Variants in RTP1 observed in about 807,000 individuals in gnomAD.
RTP1 encodes receptor transporter protein 1.
RTP1 carries 24 observed loss-of-function variants against 27.1 expected under a neutral mutation model. The ratio of observed to expected loss-of-function variants is 0.89; its 90% confidence interval spans 0.64 to 1.25. The LOEUF (loss-of-function observed/expected upper bound fraction) is 1.25. Ranked by LOEUF, RTP1 falls within the 50% of genes most tolerant of loss-of-function variation. The probability of loss-of-function intolerance (pLI) is 0.00; values close to 1 mark genes in which losing one functional copy is unlikely to be tolerated. For synonymous variants in RTP1, 148 were observed against 148.1 expected (o/e 1.00, Z 0.00); for missense variants, 338 against 351.6 (o/e 0.96, Z 0.31).
rs753579148 is a variant in RTP1, at chr3:187,199,604, T to C, written c.326T>C (p.Leu109Pro). ...TGGCAGTCGCCCTACGTGGTCATCCTCTTCCACATGTTCCTGGACCGCGCC... is the reference window on the plus strand; with the variant it reads ...TGGCAGTCGCCCTACGTGGTCATCCCCTTCCACATGTTCCTGGACCGCGCC... The part of the protein sequence containing the change: ...HTWQSPYVVI[L>P]FHMFLDRAQR... Residue 109 changes from leucine to proline, a missense_variant, in exon 2 of 2, where the codon CTC becomes CCC. Coordinates refer to ENST00000312295, the MANE Select transcript of RTP1 (RefSeq NM_153708.3). The C allele has an allele frequency of 6.2e-7, 1 of 1,606,448 alleles. No individual in the cohort carries two copies. Among genetic ancestry groups the C allele is most frequent in the African/African-American group, 1.3e-5 (1 of 74,786 alleles).
chr3:187,199,956 G>T lies in RTP1; in HGVS notation c.678G>T (p.Ser226=), dbSNP rs1721686111. 8 of 1,596,074 alleles carry T rather than the reference G, an allele frequency of 5.0e-6. No homozygotes were observed. Among genetic ancestry groups the T allele is most frequent in the Non-Finnish European group, 6.8e-6 (8 of 1,169,878 alleles). The change falls in exon 2 of 2, where the codon TCG becomes TCT. Residue 226 remains serine, a synonymous_variant. Transcript: ENST00000312295. ...CCCGGGCGCCCAGCCCCACCAAGTC[G>T]CAGGACCAGACGGGCTCAGGCTGGA... is the stretch of plus-strand genomic sequence containing the variant. ...TFSRAPSPTK[S]QDQTGSGWNF... is the part of the protein sequence containing the mutation.
In RTP1 at chr3:187,200,197, T is replaced by C. The variant is rs1419940763; in HGVS notation, c.*127T>C. On this transcript the variant is annotated 3_prime_UTR_variant, in exon 2 of 2. Coordinates refer to ENST00000312295, the MANE Select transcript of RTP1 (RefSeq NM_153708.3). The stretch of plus-strand genomic sequence containing the variant: ...TGATGTCACTGACTCAGTGGGGATC[T>C]TGGACAAATTATACAGTTTTTCCAT... 6.6e-6 allele frequency: 5 copies of C among 762,888 alleles called. No homozygotes were observed. The highest frequency in any genetic ancestry group is 7.6e-6 in the Non-Finnish European group (4 of 524,140). The allele number at this position is 762,888 out of a possible 1,614,324, so 47.3% of individuals were successfully genotyped here.
Position 187,199,783 on chromosome 3 carries a change from C to G in RTP1, c.505C>G (p.Arg169Gly), listed in dbSNP as rs370237858. The part of the protein sequence containing the change: ...TSLREQCYGE[R>G]GGQYRIHVAS... ...CCTGCGCGAGCAGTGCTACGGCGAG[C>G]GTGGCGGCCAGTACCGCATCCACGT... The change falls in exon 2 of 2, where the codon CGT (arginine) becomes GGT (glycine). Residue 169 changes from arginine to glycine, a missense_variant. Coordinates refer to ENST00000312295, the MANE Select transcript of RTP1 (RefSeq NM_153708.3). The G allele has an allele frequency of 5.8e-5, 94 of 1,612,956 alleles. No individual in the cohort carries two copies. Among genetic ancestry groups the G allele is most frequent in the Middle Eastern group, 1.6e-4 (1 of 6,082 alleles).
rs781060697 is a variant in RTP1, at chr3:187,197,676, T to A, written c.161T>A (p.Met54Lys). 1.2e-6 allele frequency: 2 copies of A among 1,614,084 alleles called. No individual in the cohort carries two copies. The highest frequency in any genetic ancestry group is 1.7e-6 in the Non-Finnish European group (2 of 1,180,004). ...DEWKKVFYEK[M>K]EEAKPADSWD... ...TGGAAGAAAGTCTTCTATGAGAAGA[T>A]GGAGGAGGCAAAGCCGGCTGACAGC... The change falls in exon 1 of 2, where the codon ATG (methionine) becomes AAG (lysine). Residue 54 changes from methionine (M) to lysine (K), a missense_variant. Physicochemically the swap from Met to Lys is moderately conservative, Grantham distance 95. Around this residue, in one of 3 missense-constraint regions of RTP1, gnomAD observed 64 missense variants for 74.5 expected, o/e 0.86. Transcript: ENST00000312295.
In RTP1 at chr3:187,199,763, G is replaced by A. The variant is rs1209861869; in HGVS notation, c.485G>A (p.Arg162His). Residue 162 changes from arginine (R) to histidine (H), a missense_variant, in exon 2 of 2, where the codon CGC becomes CAC. Coordinates refer to ENST00000312295, the MANE Select transcript of RTP1 (RefSeq NM_153708.3). Reference sequence around the variant, plus strand: ...GTGGACAACCTCATCACCAGCCTGCGCGAGCAGTGCTACGGCGAGCGTGGC... The same window carrying A: ...GTGGACAACCTCATCACCAGCCTGCACGAGCAGTGCTACGGCGAGCGTGGC... The part of the protein sequence containing the change: ...GLVDNLITSL[R>H]EQCYGERGGQ... 4.3e-6 allele frequency: 7 copies of A among 1,613,664 alleles called. No homozygotes were observed. The Admixed American group carries it at 5.0e-5, about 12-fold the overall frequency.
rs776800998 is a variant in RTP1, at chr3:187,199,745, A to G, written c.467A>G (p.Asn156Ser). 4.3e-6 allele frequency: 7 copies of G among 1,613,494 alleles called. No individual in the cohort carries two copies. The highest frequency in any genetic ancestry group is 5.9e-6 in the Non-Finnish European group (7 of 1,179,654). The change falls in exon 2 of 2, where the codon AAC (asparagine) becomes AGC (serine). Residue 156 changes from asparagine (N) to serine (S), a missense_variant. Physicochemically the swap from Asn to Ser is conservative, Grantham distance 46. Around this residue, in one of 3 missense-constraint regions of RTP1, gnomAD observed 252 missense variants for 231.5 expected, o/e 1.09. Transcript: ENST00000312295. ...LEENIEGLVD[N>S]LITSLREQCY... is the part of the protein sequence containing the mutation. ...GAGAACATCGAGGGCCTGGTGGACA[A>G]CCTCATCACCAGCCTGCGCGAGCAG... is the stretch of plus-strand genomic sequence containing the variant.
In RTP1 at chr3:187,199,684, G is replaced by T. The variant is rs201233932; in HGVS notation, c.406G>T (p.Gly136Cys). The T allele has an allele frequency of 2.0e-5, 32 of 1,612,230 alleles. No homozygotes were observed. Among genetic ancestry groups the T allele is most frequent in the African/African-American group, 5.3e-5 (4 of 74,906 alleles). ...CTTCAAGCAGCTGTGCTATGAGTGC[G>T]GCACGGCGCGGCTGGACGAGTCCAG... ...RVFKQLCYEC[G>C]TARLDESSML... The change falls in exon 2 of 2, where the codon GGC becomes TGC. Residue 136 changes from glycine to cysteine, a missense_variant. Physicochemically the swap from Gly to Cys is radical, Grantham distance 159 (BLOSUM62 -3). Coordinates refer to ENST00000312295, the MANE Select transcript of RTP1 (RefSeq NM_153708.3).
rs1187862565 is a variant in RTP1 at position 187,199,998 on chromosome 3, C to T, written c.720C>T (p.Pro240=). Reference sequence around the variant, plus strand: ...CAGGCTGGAACTTCTGCTCTATCCCCTGGTGCTTGTTTTGGGCCACGGTCC... The same window carrying T: ...CAGGCTGGAACTTCTGCTCTATCCCTTGGTGCTTGTTTTGGGCCACGGTCC... ...TGSGWNFCSI[P]WCLFWATVLL... is the part of the protein sequence containing the mutation. The change falls in exon 2 of 2, where the codon CCC becomes CCT. Residue 240 remains proline, a synonymous_variant. Coordinates refer to ENST00000312295, the MANE Select transcript of RTP1 (RefSeq NM_153708.3). The T allele has an allele frequency of 5.2e-6, 8 of 1,552,474 alleles. No homozygotes were observed. The East Asian group carries it at 1.6e-4, about 31-fold the overall frequency.
At position 187,200,223 on chromosome 3, in the gene RTP1, C is replaced by A; in HGVS notation, c.*153C>A. 1 of 640,754 alleles carries A rather than the reference C, an allele frequency of 1.6e-6. No individual in the cohort carries two copies. Among genetic ancestry groups the A allele is most frequent in the Non-Finnish European group, 2.3e-6 (1 of 430,902 alleles). 39.7% of individuals were successfully genotyped at this position (640,754 alleles called of 1,614,324 possible). On this transcript the variant is annotated 3_prime_UTR_variant, in exon 2 of 2. Coordinates refer to ENST00000312295, the MANE Select transcript of RTP1 (RefSeq NM_153708.3). Reference sequence around the variant, plus strand: ...TGGACAAATTATACAGTTTTTCCATCTATAAAACTCAGGGTTTGGGCAAGA... The same window carrying A: ...TGGACAAATTATACAGTTTTTCCATATATAAAACTCAGGGTTTGGGCAAGA...
Position 187,197,557 on chromosome 3 carries a change from G to T in RTP1, c.42G>T (p.Leu14=). 3.7e-6 allele frequency: 6 copies of T among 1,614,160 alleles called. No homozygotes were observed. Among genetic ancestry groups the T allele is most frequent in the Non-Finnish European group, 5.1e-6 (6 of 1,180,010 alleles). The change falls in exon 1 of 2, where the codon CTG becomes CTT. Residue 14 remains leucine (L), a synonymous_variant. Coordinates refer to ENST00000312295, the MANE Select transcript of RTP1 (RefSeq NM_153708.3). ...FRPWRLRCPA[L]HLPSLSVFSL... ...CGTGGAGACTGCGCTGCCCTGCCCT[G>T]CACCTACCCTCACTCTCCGTGTTCT...
intron 1 of RTP1, chr3:187,198,409 C>T (rs561788352): frequency 7.9e-5 from 12 of 152,456 alleles, no homozygotes; most frequent in Admixed American, 3.3e-4. Flanking sequence ...TCTTGGGCCC[C>T]TTTTAGATCT....
chr3:187,199,474 C>T (rs927858502), intron 1 of RTP1, 77 bp from the exon 2 acceptor site: 3 of 1,467,104 alleles, frequency 2.0e-6, no homozygotes, highest in Admixed American at 2.1e-5. Flanking sequence ...GCCTCCACGT[C>T]CCCTCACGCC....
chr3:187,197,544 G>GCTGCC lies in RTP1; in HGVS notation c.39_43dup (p.His15ProfsTer12), dbSNP rs1560216603. On this transcript the variant is annotated frameshift_variant, in exon 1 of 2. Coordinates refer to ENST00000312295, the MANE Select transcript of RTP1 (RefSeq NM_153708.3). LOFTEE classifies it high-confidence loss of function. Reference sequence around the variant, plus strand: ...AGGATTTTTAGACCGTGGAGACTGCGCTGCCCTGCCCTGCACCTACCCTCA... The same window carrying GCTGCC: ...AGGATTTTTAGACCGTGGAGACTGCGCTGCCCTGCCCTGCCCTGCACCTACCCTCA... 2.5e-6 allele frequency: 4 copies of GCTGCC among 1,614,106 alleles called. No homozygotes were observed. Among genetic ancestry groups the GCTGCC allele is most frequent in the South Asian group, 1.1e-5 (1 of 91,080 alleles).
intron 1 of RTP1, chr3:187,199,319 G>A: frequency 1.9e-6 from 1 of 518,642 alleles, no homozygotes; most frequent in Non-Finnish European, 3.4e-6. Context: ...GCACTGAGGA[G>A]GTAGAGCACT....
Position 187,200,194 on chromosome 3 carries a change from A to G in RTP1, c.*124A>G, listed in dbSNP as rs1721693893. The G allele has an allele frequency of 2.5e-6, 2 of 790,146 alleles. No homozygotes were observed. The highest frequency in any genetic ancestry group is 3.4e-5 in the African/African-American group (2 of 58,236). 48.9% of individuals were successfully genotyped at this position (790,146 alleles called of 1,614,324 possible). A position where few individuals can be genotyped will look rare whatever the true frequency, so the allele number is the denominator to read the frequency against. On this transcript the variant is annotated 3_prime_UTR_variant, in exon 2 of 2. Transcript: ENST00000312295. ...TGGTGATGTCACTGACTCAGTGGGG[A>G]TCTTGGACAAATTATACAGTTTTTC... is the stretch of plus-strand genomic sequence containing the variant.
At position 187,200,145 on chromosome 3, in the gene RTP1, G is replaced by A. The variant is rs1310091048; in HGVS notation, c.*75G>A. Reference sequence around the variant, plus strand: ...CGAGGGTAGAGGAGAGACGTGGGTTGAGAATAGTGTAAACTTCTAGCGCTG... The same window carrying A: ...CGAGGGTAGAGGAGAGACGTGGGTTAAGAATAGTGTAAACTTCTAGCGCTG... On this transcript the variant is annotated 3_prime_UTR_variant, in exon 2 of 2. Coordinates refer to ENST00000312295, the MANE Select transcript of RTP1 (RefSeq NM_153708.3). The A allele has an allele frequency of 7.4e-7, 1 of 1,353,200 alleles. No homozygotes were observed. Among genetic ancestry groups the A allele is most frequent in the Non-Finnish European group, 9.9e-7 (1 of 1,008,146 alleles). 83.8% of individuals were successfully genotyped at this position (1,353,200 alleles called of 1,614,324 possible).
chr3:187,198,514 T>G (rs1721642750), intron 1 of RTP1: 1 of 152,134 alleles, frequency 6.6e-6, no homozygotes, highest in South Asian at 2.1e-4. Flanking sequence ...GGGTCCAGAG[T>G]GTAGGGGCTT....
At position 187,199,569 on chromosome 3, in the gene RTP1, C is replaced by T. The variant is rs954558581; in HGVS notation, c.291C>T (p.Cys97=). 1 of 1,593,192 alleles carries T rather than the reference C, an allele frequency of 6.3e-7. No homozygotes were observed. The highest frequency in any genetic ancestry group is 8.6e-7 in the Non-Finnish European group (1 of 1,164,336). Residue 97 remains cysteine (C), a synonymous_variant, in exon 2 of 2, where the codon TGC becomes TGT. Transcript: ENST00000312295. The part of the protein sequence containing the change: ...HASGRFHCSW[C]WHTWQSPYVV... ...TCCGCAGGTTCCACTGCTCCTGGTGCTGGCACACCTGGCAGTCGCCCTACG... is the reference window on the plus strand; with the variant it reads ...TCCGCAGGTTCCACTGCTCCTGGTGTTGGCACACCTGGCAGTCGCCCTACG...
In RTP1 at chr3:187,199,944, C is replaced by A. The variant is rs1368973290; in HGVS notation, c.666C>A (p.Ser222Arg). Reference sequence around the variant, plus strand: ...CCTACACCTTCTCCCGGGCGCCCAGCCCCACCAAGTCGCAGGACCAGACGG... The same window carrying A: ...CCTACACCTTCTCCCGGGCGCCCAGACCCACCAAGTCGCAGGACCAGACGG... ...ATTYTFSRAP[S>R]PTKSQDQTGS... The change falls in exon 2 of 2, where the codon AGC becomes AGA. Residue 222 changes from serine (S) to arginine (R), a missense_variant. Physicochemically the swap from Ser to Arg is moderately radical, Grantham distance 110. Around this residue, in one of 3 missense-constraint regions of RTP1, gnomAD observed 252 missense variants for 231.5 expected, o/e 1.09. Transcript: ENST00000312295. 5 of 1,596,260 alleles carry A rather than the reference C, an allele frequency of 3.1e-6. No homozygotes were observed. The highest frequency in any genetic ancestry group is 4.3e-6 in the Non-Finnish European group (5 of 1,170,020).
Sources: gnomAD v4.1 joint callset for allele counts on GRCh38, gnomAD v4.1.1 for gene constraint, gnomAD v4.1.1 regional missense constraint, MANE v1.5 for transcripts, NCBI Gene and HGNC (gene_info 2026-07-23, HGNC 2026-07-21) for gene names.